CNTN5: variants seen among roughly 807,000 people sequenced by gnomAD.
CNTN5 encodes the protein contactin 5, also known as contactin-5.
CNTN5 carries 77 observed loss-of-function variants against 129.1 expected under a neutral mutation model. The ratio of observed to expected loss-of-function variants is 0.60; its 90% CI spans 0.50 to 0.72. CNTN5 has a LOEUF of 0.72. Among genes scored for constraint, CNTN5 ranks in the 30% least tolerant of loss-of-function variants. The probability of loss-of-function intolerance (pLI) is 0.00; values close to 1 mark genes in which losing one functional copy is unlikely to be tolerated. For missense variants in CNTN5, 1,478 were observed against 1,328.8 expected (o/e 1.11, Z -1.75); for synonymous variants, 509 against 465.6 (o/e 1.09, Z -1.20).
intron 1 of CNTN5, among the ~76,000 whole-genome samples, chr11:99,137,395 A>T (rs567069060): frequency 6.6e-6 from 1 of 152,110 alleles, no homozygotes; most frequent in African/African-American, 2.4e-5. Flanking sequence ...TGGCCCATGT[A>T]CTTAATACTT....
intron 2 of CNTN5, among the ~76,000 whole-genome samples, chr11:99,382,845 C>CCTTTTTTTTTTTTTTTTT (rs1417732458): frequency 2.6e-5 from 2 of 77,046 alleles, no homozygotes; most frequent in East Asian, 1.1e-3. Flanking sequence ...CTCTAAATAA[C>CCTTTTTTTTTTTTTTTTT]TTTTTTTTTT....
chr11:100,075,491 A>G lies in CNTN5; in HGVS notation c.1580+1197A>G, dbSNP rs78590356. 1.5e-3 allele frequency among the ~76,000 whole-genome samples: 231 copies of G among 152,310 alleles called. 2 individuals are homozygous for G. Among genetic ancestry groups the G allele is most frequent in the South Asian group, 0.011 (51 of 4,832 alleles). On this transcript the variant is annotated intron_variant, in intron 13 of 24. Coordinates refer to ENST00000524871, the MANE Select transcript of CNTN5 (RefSeq NM_014361.4). Reference sequence around the variant, plus strand: ...GTGACACAGGGGCCTTCAGAAATGAAGACCCAAAGACTTAGAGAAAACTCT... The same window carrying G: ...GTGACACAGGGGCCTTCAGAAATGAGGACCCAAAGACTTAGAGAAAACTCT...
chr11:100,096,134 C>T (rs1274306742), intron 13 of CNTN5, among the ~76,000 whole-genome samples: 1 of 151,840 alleles, frequency 6.6e-6, no homozygotes, highest in Non-Finnish European at 1.5e-5. Context: ...AATTGAAATT[C>T]CTAGTAATTT....
At chr11:99,042,918 A>G (rs893886671) in intron 1 of CNTN5, among the ~76,000 whole-genome samples, 1 of 148,516 alleles carries the variant, frequency 6.7e-6, no homozygotes, top group Non-Finnish European at 1.5e-5. Flanking sequence ...CTTCTCATAC[A>G]TTTACATTTT....
At chr11:99,818,191 C>G (rs991625030) in intron 3 of CNTN5, among the ~76,000 whole-genome samples, 7 of 151,850 alleles carry the variant, frequency 4.6e-5, no homozygotes, top group Admixed American at 3.3e-4. Context: ...TACAGTGATA[C>G]TTTTTTTAAT....
chr11:99,876,731 T>A (rs190750572), intron 6 of CNTN5, among the ~76,000 whole-genome samples: 177 of 152,318 alleles, frequency 1.2e-3, no homozygotes, highest in African/African-American at 4.1e-3. Flanking sequence ...CCCCTAAACC[T>A]TGTAGCAATC....
At chr11:100,309,699 T>G in intron 21 of CNTN5, 3 of 984,968 alleles carry the variant, frequency 3.0e-6, no homozygotes, top group Non-Finnish European at 3.6e-6. Context: ...GTTGAATGAA[T>G]AAATGTTTGT....
intron 8 of CNTN5, among the ~76,000 whole-genome samples, chr11:99,981,541 C>A (rs971019321): frequency 6.6e-6 from 1 of 152,122 alleles, no homozygotes; most frequent in African/African-American, 2.4e-5. Flanking sequence ...CTGGAAACAC[C>A]CTCACAAACA....
In CNTN5 at chr11:99,619,330, A is replaced by G. The variant is rs669203; in HGVS notation, c.55+63061A>G. ...ATTTAATTCTGAGTTTGTAAAATGT[A>G]TTATAATAGCTCAATGAGCAACTAA... On this transcript the variant is annotated intron_variant, in intron 3 of 24. Transcript: ENST00000524871. Among the ~76,000 whole-genome samples, 118 of 151,966 alleles carry G rather than the reference A, an allele frequency of 7.8e-4. 2 individuals carry two copies. In the East Asian group the frequency reaches 0.016, roughly 21 times the overall value.
intron 1 of CNTN5, among the ~76,000 whole-genome samples, chr11:99,312,550 A>G (rs181192025): frequency 2.6e-5 from 4 of 152,274 alleles, no homozygotes; most frequent in Admixed American, 1.3e-4. Flanking sequence ...AGAATGCATT[A>G]TAATATAGTC....
chr11:99,601,469 T>C (rs183934967), intron 3 of CNTN5, among the ~76,000 whole-genome samples: 3 of 152,138 alleles, frequency 2.0e-5, no homozygotes, highest in Non-Finnish European at 4.4e-5. Context: ...GATCCTTAAA[T>C]CACACCTTCT....
intron 2 of CNTN5, among the ~76,000 whole-genome samples, chr11:99,382,962 T>C (rs986633780): frequency 7.1e-6 from 1 of 140,040 alleles, no homozygotes; most frequent in Non-Finnish European, 1.5e-5. Context: ...GTTCAAACAA[T>C]TCTCCTGCCT....
chr11:99,037,662 C>T (rs1482452379), intron 1 of CNTN5, among the ~76,000 whole-genome samples: 5 of 147,840 alleles, frequency 3.4e-5, no homozygotes, highest in African/African-American at 1.0e-4. Flanking sequence ...TTCACAGCAA[C>T]CTCCATCTCT....
At chr11:100,270,774 T>A (rs1301163925) in intron 17 of CNTN5, among the ~76,000 whole-genome samples, 1 of 152,210 alleles carries the variant, frequency 6.6e-6, no homozygotes, top group Non-Finnish European at 1.5e-5. Flanking sequence ...ACTGTTTAAA[T>A]TATAGTTCTA....
chr11:99,739,183 C>T (rs1481685884), intron 3 of CNTN5, among the ~76,000 whole-genome samples: 1 of 152,040 alleles, frequency 6.6e-6, no homozygotes, highest in Non-Finnish European at 1.5e-5. Flanking sequence ...TTGTTATTCC[C>T]TTATGAACTT....
intron 2 of CNTN5, among the ~76,000 whole-genome samples, chr11:99,531,341 G>T (rs938900055): frequency 5.3e-5 from 8 of 152,198 alleles, no homozygotes; most frequent in African/African-American, 1.4e-4. Context: ...TCAAGAGGTG[G>T]CTTGGGAACT....
At chr11:99,375,524 C>T (rs1352448035) in intron 2 of CNTN5, among the ~76,000 whole-genome samples, 1 of 151,978 alleles carries the variant, frequency 6.6e-6, no homozygotes, top group African/African-American at 2.4e-5. Context: ...AATCAAAGTT[C>T]TTGGATGATA....
At chr11:99,700,779 A>G (rs1031047448) in intron 3 of CNTN5, among the ~76,000 whole-genome samples, 3 of 151,370 alleles carry the variant, frequency 2.0e-5, no homozygotes, top group East Asian at 1.9e-4. Context: ...ATTTCATGCT[A>G]TTGTTCATAC....
intron 9 of CNTN5, among the ~76,000 whole-genome samples, chr11:100,008,637 A>C (rs952296072): frequency 6.6e-6 from 1 of 152,108 alleles, no homozygotes; most frequent in Non-Finnish European, 1.5e-5. Context: ...ATTCTTAATC[A>C]TTATGTAAAC....
Sources: allele counts gnomAD v4.1 joint callset (sites outside exome capture counted in the v4.1 genomes callset), GRCh38; gene constraint gnomAD v4.1.1; transcripts MANE v1.5; gene names NCBI Gene and HGNC (gene_info 2026-07-23, HGNC 2026-07-21).